GSN: variants seen among roughly 807,000 people sequenced by gnomAD.
The protein encoded by GSN is actin-depolymerizing factor.
In GSN, 56 loss-of-function variants were observed where a neutral mutation model predicts 85.7. The ratio of observed to expected loss-of-function variants is 0.65; its 90% CI spans 0.53 to 0.82. GSN has a LOEUF of 0.82. Among genes scored for constraint, GSN ranks in the 40% least tolerant of loss-of-function variants. The pLI, the probability that GSN is intolerant of heterozygous loss-of-function variation, is 0.00. For missense variants in GSN, 857 were observed against 979.8 expected, an observed-to-expected ratio of 0.87 and a Z score of 1.67; for synonymous variants, 373 against 399.1, an observed-to-expected ratio of 0.93 and a Z score of 0.78.
intron 3 of GSN, 99 bp downstream of exon 3, chr9:121,302,266 C>A: frequency 2.3e-6 from 3 of 1,310,508 alleles, no homozygotes; most frequent in Non-Finnish European, 2.2e-6. Flanking sequence ...TATTGAGCAC[C>A]TAGTATGTGC....
At chr9:121,218,113 C>T (rs1230069646) in intron 4 of GSN, among the ~76,000 whole-genome samples, 1 of 152,122 alleles carries the variant, frequency 6.6e-6, no homozygotes, top group Non-Finnish European at 1.5e-5. Context: ...ATTTGTTGAG[C>T]TCTTAAGAAG....
chr9:121,263,559 A>G (rs2055131968), upstream of GSN, among the ~76,000 whole-genome samples: 1 of 152,044 alleles, frequency 6.6e-6, no homozygotes, highest in Non-Finnish European at 1.5e-5. Context: ...GGCAGGAGAG[A>G]GAGTGTGTGA....
At chr9:121,311,183 T>C in intron 5 of GSN, 1 of 382,340 alleles carries the variant, frequency 2.6e-6, no homozygotes, top group Non-Finnish European at 4.9e-6. Context: ...ATGTGCACCA[T>C]CATGAATGCC....
chr9:121,250,980 CCTGA>C lies in GSN; in HGVS notation c.-341+2660_-341+2663del, dbSNP rs1206856214. On this transcript the variant is annotated intron_variant, in intron 6 of 24. Coordinates refer to the GSN transcript ENST00000373823. The stretch of plus-strand genomic sequence containing the variant: ...GGGACTACAGGCACTTGCCACCATG[CCTGA>C]CTAATTTTTTGTATTTTTTTTTGTA... Among the ~76,000 whole-genome samples, 6 of 151,026 alleles carry C rather than the reference CCTGA, an allele frequency of 4.0e-5. No homozygotes were observed. In the East Asian group the frequency reaches 1.2e-3, roughly 29 times the overall value.
chr9:121,223,005 G>A (rs949694452), intron 4 of GSN: 6 of 152,110 alleles, frequency 3.9e-5, no homozygotes, highest in African/African-American at 1.4e-4. Flanking sequence ...CACTTGAGAG[G>A]GGCGCATGTG....
intron 4 of GSN, among the ~76,000 whole-genome samples, chr9:121,230,217 T>G (rs1204846938): frequency 1.3e-5 from 2 of 152,152 alleles, no homozygotes; most frequent in Non-Finnish European, 1.5e-5. Flanking sequence ...AGGCTCAAAT[T>G]TTACCCTTAT....
At chr9:121,221,666 G>A (rs1206380516) in intron 4 of GSN, among the ~76,000 whole-genome samples, 1 of 152,120 alleles carries the variant, frequency 6.6e-6, no homozygotes, top group Admixed American at 6.6e-5. Context: ...CCCTCTTCAG[G>A]CCTGTTTTCC....
chr9:121,243,045 C>G (rs2054635586), intron 5 of GSN, among the ~76,000 whole-genome samples: 1 of 152,180 alleles, frequency 6.6e-6, no homozygotes, highest in Admixed American at 6.5e-5. Context: ...TAACTTAACA[C>G]AACACAATTT....
At chr9:121,217,744 TTTAAATTTTTTAAATTTAA>T (rs1329207857) in intron 4 of GSN, among the ~76,000 whole-genome samples, 1 of 150,996 alleles carries the variant, frequency 6.6e-6, no homozygotes. Context: ...CAGCCATTTC[TTTAAATTTTTTAAATTTAA>T]TTAAATTTTT....
At chr9:121,227,404 A>C (rs75022943) in intron 4 of GSN, among the ~76,000 whole-genome samples, 1 of 151,844 alleles carries the variant, frequency 6.6e-6, no homozygotes. Flanking sequence ...AAAAAAAAAA[A>C]AGAGAGAGAG....
In GSN at chr9:121,312,474, G is replaced by C; in HGVS notation, c.649G>C (p.Glu217Gln). ...VHVSEEGTEP[E>Q]AMLQVLGPKP... ...CGTGTCTGAGGAGGGCACTGAGCCC[G>C]AGGCGATGCTCCAGGTGCCTGTGGG... Residue 217 changes from glutamate (E) to glutamine (Q), a missense_variant, in exon 6 of 18, where the codon GAG becomes CAG. Glu to Gln is a conservative substitution (Grantham distance 29). Coordinates refer to ENST00000432226, the MANE Select transcript of GSN (RefSeq NM_198252.3). 1.2e-6 allele frequency: 2 copies of C among 1,612,494 alleles called. No individual in the cohort carries two copies. Among genetic ancestry groups the C allele is most frequent in the Non-Finnish European group, 1.7e-6 (2 of 1,178,922 alleles).
chr9:121,230,364 C>G (rs2054363399), intron 4 of GSN, among the ~76,000 whole-genome samples: 1 of 152,180 alleles, frequency 6.6e-6, no homozygotes, highest in South Asian at 2.1e-4. Flanking sequence ...CCAGACAATC[C>G]TATAGTGCAG....
intron 14 of GSN, 76 bp from the exon 15 acceptor site, chr9:121,328,814 GC>G: frequency 6.6e-7 from 1 of 1,512,890 alleles, no homozygotes; most frequent in African/African-American, 1.4e-5. Flanking sequence ...CTTGGGCAGG[GC>G]TGGTCCCAGG....
At position 121,299,792 on chromosome 9, in the gene GSN, C is replaced by T; in HGVS notation, c.-9-2171C>T. ...CGGTCCCCGGCTTGGGCGGGATGGG[C>T]GGGCGGCTACTTAAGGTCGGCGACC... On this transcript the variant is annotated intron_variant, in intron 2 of 17. Coordinates refer to ENST00000432226, the MANE Select transcript of GSN (RefSeq NM_198252.3). This position sits in a 1 kb window ranked among gnomAD's most constrained non-coding sequence, Gnocchi z 4.2. The T allele has an allele frequency of 2.4e-6, 3 of 1,244,058 alleles. No homozygotes were observed. The highest frequency in any genetic ancestry group is 7.7e-5 in the East Asian group (2 of 25,814). The allele number at this position is 1,244,058 out of a possible 1,614,324, so 77.1% of individuals were successfully genotyped here.
intron 11 of GSN, 110 bp from the exon 12 acceptor site, chr9:121,324,444 C>T: frequency 1.4e-6 from 1 of 697,994 alleles, no homozygotes; most frequent in Non-Finnish European, 2.6e-6. Flanking sequence ...CCCTCTCTAT[C>T]TGTTTCATTA....
At chr9:121,202,846 G>T (rs1214782162), upstream of GSN, among the ~76,000 whole-genome samples, 1 of 152,196 alleles carries the variant, frequency 6.6e-6, no homozygotes, top group Non-Finnish European at 1.5e-5. Flanking sequence ...ATGTAAGCCG[G>T]CCGGGCGCGG....
chr9:121,318,280 G>T lies in GSN; in HGVS notation c.887-126G>T. The T allele has an allele frequency of 1.2e-6, 1 of 826,888 alleles. No homozygotes were observed. The highest frequency in any genetic ancestry group is 2.1e-6 in the Non-Finnish European group (1 of 472,948). The allele number at this position is 826,888 out of a possible 1,614,324, so 51.2% of individuals were successfully genotyped here. A position where few individuals can be genotyped will look rare whatever the true frequency, so the allele number is the denominator to read the frequency against. Reference sequence around the variant, plus strand: ...TCGGCTCTGGGGGTCTCTGGCCTTGGCTGTCCACAGTCTAAGAAGAGTAGG... The same window carrying T: ...TCGGCTCTGGGGGTCTCTGGCCTTGTCTGTCCACAGTCTAAGAAGAGTAGG... On this transcript the variant is annotated intron_variant, in intron 8 of 17. Transcript: ENST00000432226. This position sits in a 1 kb window ranked among gnomAD's most constrained non-coding sequence, Gnocchi z 4.3.
At position 121,239,749 on chromosome 9, in the gene GSN, A is replaced by G. The variant is rs1176772698; in HGVS notation, c.-389+8446A>G. On this transcript the variant is annotated intron_variant, in intron 5 of 24. Coordinates refer to the GSN transcript ENST00000373823. ...CGATCCAACTAATACCCAACAAAGC[A>G]TATCCTCAGACACTGATGTTTGGAG... is the stretch of plus-strand genomic sequence containing the variant. The G allele has an allele frequency of 2.1e-5, 6 of 282,592 alleles. No homozygotes were observed. The East Asian group carries it at 5.0e-4, about 23-fold the overall frequency. 17.5% of individuals were successfully genotyped at this position (282,592 alleles called of 1,614,324 possible).
chr9:121,221,455 G>A (rs1221094454), intron 4 of GSN, among the ~76,000 whole-genome samples: 1 of 152,242 alleles, frequency 6.6e-6, no homozygotes, highest in Non-Finnish European at 1.5e-5. Context: ...ACTTTCTACA[G>A]TGCAGCTTTG....
Sources: gnomAD v4.1 joint callset for allele counts (sites outside exome capture counted in the v4.1 genomes callset) on GRCh38, gnomAD v4.1.1 for gene constraint, Gnocchi (gnomAD v3.1) non-coding constraint, MANE v1.5 for transcripts, NCBI Gene and HGNC (gene_info 2026-07-23, HGNC 2026-07-21) for gene names.